DCLK2: variants seen among roughly 807,000 people sequenced by gnomAD.
The protein encoded by DCLK2 is doublecortin like kinase 2, also known as serine/threonine-protein kinase DCLK2.
Under a neutral mutation model 78.4 loss-of-function variants are expected in DCLK2, and 31 were observed. The observed-to-expected ratio is 0.40, with a 90% CI of 0.30 to 0.53. The LOEUF (loss-of-function observed/expected upper bound fraction) is 0.53. Ranked by LOEUF, DCLK2 falls within the 20% of genes least tolerant of loss-of-function variation. DCLK2 has a pLI of 0.61. For missense variants in DCLK2, 872 were observed against 973.7 expected (o/e 0.90, Z 1.39); for synonymous variants, 407 against 374.9 (o/e 1.09, Z -0.99).
rs780042885 is a variant in DCLK2 at position 150,248,336 on chromosome 4, T to C, written c.1907T>C (p.Val636Ala). 2 of 1,613,862 alleles carry C rather than the reference T, an allele frequency of 1.2e-6. No individual in the cohort carries two copies. The highest frequency in any genetic ancestry group is 1.7e-6 in the Non-Finnish European group (2 of 1,179,992). The change falls in exon 14 of 16, where the codon GTT becomes GCT. Residue 636 changes from valine (V) to alanine (A), a missense_variant. By Grantham distance (64) the Val-to-Ala change is moderately conservative. Transcript: ENST00000296550. ...ELISQMLQVN[V>A]EARCTAGQIL... is the part of the protein sequence containing the mutation. ...ATCAGTCAAATGCTTCAGGTAAATG[T>C]TGAAGCTCGGTGTACCGCGGGACAA...
intron 2 of DCLK2, among the ~76,000 whole-genome samples, chr4:150,144,627 C>T (rs991980189): frequency 6.6e-6 from 1 of 152,142 alleles, no homozygotes; most frequent in Non-Finnish European, 1.5e-5. Context: ...AACTCTGTTG[C>T]CCAGGCTGGA....
At chr4:150,087,012 G>T (rs1333720373) in intron 1 of DCLK2, among the ~76,000 whole-genome samples, 1 of 151,922 alleles carries the variant, frequency 6.6e-6, no homozygotes, top group East Asian at 1.9e-4. Flanking sequence ...TTTTAATTTT[G>T]TGAGTCAGAA....
At chr4:150,158,406 G>A (rs575415235) in intron 2 of DCLK2, among the ~76,000 whole-genome samples, 7 of 152,188 alleles carry the variant, frequency 4.6e-5, no homozygotes, top group Non-Finnish European at 7.3e-5. Context: ...ATATAATTCA[G>A]TCTATAACAC....
chr4:150,173,652 T>A (rs1026863917), intron 2 of DCLK2, among the ~76,000 whole-genome samples: 3 of 152,220 alleles, frequency 2.0e-5, no homozygotes, highest in African/African-American at 7.2e-5. Context: ...GAGCTTGACC[T>A]ATTTCCTTAG....
intron 1 of DCLK2, among the ~76,000 whole-genome samples, chr4:150,080,159 G>T (rs189721453): frequency 6.7e-6 from 1 of 148,688 alleles, no homozygotes; most frequent in Non-Finnish European, 1.5e-5. Flanking sequence ...AACAATCACC[G>T]TGCTAAAGGG....
intron 2 of DCLK2, among the ~76,000 whole-genome samples, chr4:150,161,823 A>C (rs2150245202): frequency 6.6e-6 from 1 of 152,328 alleles, no homozygotes; most frequent in Non-Finnish European, 1.5e-5. Flanking sequence ...ATGTGAAAGA[A>C]AATAATAAGA....
chr4:150,255,976 G>T (rs1254345149), intron 15 of DCLK2, 44 bp from the exon 16 acceptor site: 1 of 1,597,542 alleles, frequency 6.3e-7, no homozygotes, highest in South Asian at 1.1e-5. Context: ...TGGGACCCGA[G>T]CCTGGGCCCG....
intron 2 of DCLK2, among the ~76,000 whole-genome samples, chr4:150,142,737 CT>C (rs1459024389): frequency 6.6e-6 from 1 of 152,036 alleles, no homozygotes; most frequent in Non-Finnish European, 1.5e-5. Flanking sequence ...TGGTTTGTAC[CT>C]TTAGTGAACT....
At chr4:150,109,445 C>A (rs1265831668) in intron 2 of DCLK2, among the ~76,000 whole-genome samples, 1 of 152,074 alleles carries the variant, frequency 6.6e-6, no homozygotes, top group Admixed American at 6.6e-5. Context: ...AGCGATTCTC[C>A]TGCCTCAGCC....
At chr4:150,216,841 A>G (rs534022470) in intron 5 of DCLK2, among the ~76,000 whole-genome samples, 1 of 152,172 alleles carries the variant, frequency 6.6e-6, no homozygotes, top group Admixed American at 6.5e-5. Context: ...TCATTAGGAA[A>G]TATATCCCCC....
rs867762636 is a variant in DCLK2, at chr4:150,175,009, A to T, written c.757-18129A>T. On this transcript the variant is annotated intron_variant, in intron 2 of 15. Coordinates refer to ENST00000296550, the MANE Select transcript of DCLK2 (RefSeq NM_001040260.4). ...TGAGACTCCGTCGCAAAAAAAAAAA[A>T]AAATATATATATATATATATATATT... Among the ~76,000 whole-genome samples the T allele has an allele frequency of 6.1e-4, 9 of 14,768 alleles. 2 individuals carry two copies. Among genetic ancestry groups the T allele is most frequent in the African/African-American group, 1.6e-3 (9 of 5,482 alleles). The allele number at this position is 14,768 out of a possible 152,430, so 9.7% of individuals were successfully genotyped here. A position where few individuals can be genotyped will look rare whatever the true frequency, so the allele number is the denominator to read the frequency against.
At chr4:150,107,458 C>G (rs1325205899) in intron 2 of DCLK2, among the ~76,000 whole-genome samples, 1 of 149,176 alleles carries the variant, frequency 6.7e-6, no homozygotes, top group Non-Finnish European at 1.5e-5. Flanking sequence ...CTTACTGCAG[C>G]TTTGACCTCC....
Position 150,107,378 on chromosome 4 carries a change from G to GGTTTTTTTTTTTTTTTTTTTTTTT in DCLK2, c.756+4566_756+4567insGTTTTTTTTTTTTTTTTTTTTTTT, listed in dbSNP as rs535824608. Among the ~76,000 whole-genome samples, 2 of 125,180 alleles carry GGTTTTTTTTTTTTTTTTTTTTTTT rather than the reference G, an allele frequency of 1.6e-5. 1 individual carries two copies. The highest frequency in any genetic ancestry group is 3.3e-5 in the Non-Finnish European group (2 of 61,090). The allele number at this position is 125,180 out of a possible 152,430, so 82.1% of individuals were successfully genotyped here. A position where few individuals can be genotyped will look rare whatever the true frequency, so the allele number is the denominator to read the frequency against. On this transcript the variant is annotated intron_variant, in intron 2 of 15. Coordinates refer to ENST00000296550, the MANE Select transcript of DCLK2 (RefSeq NM_001040260.4). Reference sequence around the variant, plus strand: ...GGTTTGTAGGGTTTTTTTGGTTATTGTTTTTTTTTTTTTTTTTGGAGACAG... The same window carrying GGTTTTTTTTTTTTTTTTTTTTTTT: ...GGTTTGTAGGGTTTTTTTGGTTATTGGTTTTTTTTTTTTTTTTTTTTTTTTTTTTTTTTTTTTTTTTGGAGACAG...
intron 15 of DCLK2, chr4:150,253,592 T>A: frequency 7.8e-7 from 1 of 1,288,886 alleles, no homozygotes; most frequent in Non-Finnish European, 1.0e-6. Context: ...GCGCGCCCCA[T>A]CCTCAGCCCC....
rs1289740070 is a variant in DCLK2, at chr4:150,256,202, C to T, written c.2256C>T (p.Ala752=). 1.3e-6 allele frequency: 2 copies of T among 1,544,914 alleles called. No homozygotes were observed. The highest frequency in any genetic ancestry group is 8.7e-7 in the Non-Finnish European group (1 of 1,146,108). Residue 752 remains alanine (A), a synonymous_variant, in exon 16 of 16, where the codon GCC becomes GCT. Transcript: ENST00000296550. ...ESPTPHPPPA[A]PGGERAGTWR... is the part of the protein sequence containing the mutation. The stretch of plus-strand genomic sequence containing the variant: ...CCACCCCCCACCCTCCTCCCGCTGC[C>T]CCGGGTGGTGAGCGGGCAGGAACCT...
At chr4:150,184,601 C>CTTT (rs746012032) in intron 2 of DCLK2, among the ~76,000 whole-genome samples, 2 of 43,978 alleles carry the variant, frequency 4.5e-5, no homozygotes, top group Non-Finnish European at 3.7e-5. Context: ...TCTTCTTCTT[C>CTTT]TTTTTTTTTT....
intron 5 of DCLK2, among the ~76,000 whole-genome samples, chr4:150,220,103 G>GA (rs1414372406): frequency 3.3e-5 from 5 of 152,158 alleles, no homozygotes; most frequent in African/African-American, 1.2e-4. Context: ...ATGGAATAGA[G>GA]AATGGTATGA....
In DCLK2 at chr4:150,102,552, T is replaced by C; in HGVS notation, c.496T>C (p.Ser166Pro). 1 of 1,614,170 alleles carries C rather than the reference T, an allele frequency of 6.2e-7. No homozygotes were observed. The highest frequency in any genetic ancestry group is 8.5e-7 in the Non-Finnish European group (1 of 1,180,028). The change falls in exon 2 of 16, where the codon TCT (serine) becomes CCT (proline). Residue 166 changes from serine (S) to proline (P), a missense_variant. Around this residue, in one of 3 missense-constraint regions of DCLK2, gnomAD observed 567 missense variants for 593.4 expected, o/e 0.96. Transcript: ENST00000296550. The part of the protein sequence containing the change: ...DYTKNINPNW[S>P]VNIKGGTSRA... ...CACCAAAAATATTAATCCAAACTGG[T>C]CTGTGAACATCAAGGGTGGGACATC...
chr4:150,153,125 C>G (rs1735010492), intron 2 of DCLK2, among the ~76,000 whole-genome samples: 1 of 152,188 alleles, frequency 6.6e-6, no homozygotes, highest in African/African-American at 2.4e-5. Flanking sequence ...ACATGAAAGT[C>G]CATGGAGTAG....
Sources: gnomAD v4.1 joint callset for allele counts (sites outside exome capture counted in the v4.1 genomes callset) on GRCh38, gnomAD v4.1.1 for gene constraint, gnomAD v4.1.1 regional missense constraint, MANE v1.5 for transcripts, NCBI Gene and HGNC (gene_info 2026-07-23, HGNC 2026-07-21) for gene names.